Variants in SYNDIG1 observed in about 807,000 individuals in gnomAD.
SYNDIG1 encodes synapse differentiation-inducing gene protein 1.
A neutral mutation model predicts 19.4 loss-of-function variants in SYNDIG1; 9 were observed. The ratio of observed to expected loss-of-function variants is 0.46; its 90% CI spans 0.28 to 0.81. SYNDIG1 has a LOEUF of 0.81. SYNDIG1 is among the 30% of genes least tolerant of loss of function. The pLI is 0.12. For synonymous variants in SYNDIG1, 141 were observed against 145.9 expected (o/e 0.97, Z 0.24); for missense variants, 311 against 343.3 (o/e 0.91, Z 0.74).
intron 3 of SYNDIG1, among the ~76,000 whole-genome samples, chr20:24,644,622 C>G (rs1461000266): frequency 6.6e-6 from 1 of 152,210 alleles, no homozygotes; most frequent in Non-Finnish European, 1.5e-5. Context: ...TGTGGGGAAG[C>G]CCAAGTCACA....
At chr20:24,486,261 G>C (rs969524776) in intron 1 of SYNDIG1, among the ~76,000 whole-genome samples, 11 of 152,230 alleles carry the variant, frequency 7.2e-5, no homozygotes, top group African/African-American at 2.7e-4. Context: ...GGCAGGGTGG[G>C]TGCTGGAGAG....
intron 3 of SYNDIG1, among the ~76,000 whole-genome samples, chr20:24,646,969 A>T (rs1438050329): frequency 6.6e-6 from 1 of 152,088 alleles, no homozygotes; most frequent in Non-Finnish European, 1.5e-5. Context: ...AGCCAAATAA[A>T]CCTGTTTTCT....
chr20:24,623,094 G>T (rs1309905397), intron 3 of SYNDIG1, among the ~76,000 whole-genome samples: 26 of 151,880 alleles, frequency 1.7e-4, no homozygotes, highest in Admixed American at 1.7e-3. Flanking sequence ...CAGGAGAATT[G>T]CTTGAACATA....
intron 1 of SYNDIG1, among the ~76,000 whole-genome samples, chr20:24,505,024 G>A (rs921936859): frequency 6.6e-6 from 1 of 152,286 alleles, no homozygotes; most frequent in East Asian, 1.9e-4. Flanking sequence ...CATGGAGGAG[G>A]TGGTGAACAG....
chr20:24,662,738 AT>A (rs2059615216), intron 3 of SYNDIG1, among the ~76,000 whole-genome samples: 1 of 152,188 alleles, frequency 6.6e-6, no homozygotes, highest in Non-Finnish European at 1.5e-5. Flanking sequence ...GCCTGCACTT[AT>A]TTTCCAATGA....
At chr20:24,649,072 A>C (rs1178379192) in intron 3 of SYNDIG1, among the ~76,000 whole-genome samples, 1 of 152,192 alleles carries the variant, frequency 6.6e-6, no homozygotes, top group Non-Finnish European at 1.5e-5. Flanking sequence ...AGTGTCATGA[A>C]TGCAAAGTTC....
At chr20:24,522,886 C>A (rs1025281881) in intron 1 of SYNDIG1, among the ~76,000 whole-genome samples, 25 of 152,262 alleles carry the variant, frequency 1.6e-4, no homozygotes, top group Middle Eastern at 3.4e-3. Context: ...TTTAAACAAG[C>A]AGCTCGCATG....
chr20:24,622,006 A>G (rs1265872036), intron 3 of SYNDIG1, among the ~76,000 whole-genome samples: 1 of 152,224 alleles, frequency 6.6e-6, no homozygotes, highest in Non-Finnish European at 1.5e-5. Flanking sequence ...ATAATATTAC[A>G]AGGCAGGCCA....
At chr20:24,508,218 ATTTTTTTTTTTT>A (rs34436263) in intron 1 of SYNDIG1, among the ~76,000 whole-genome samples, 4 of 73,210 alleles carry the variant, frequency 5.5e-5, no homozygotes, top group African/African-American at 6.1e-5. Flanking sequence ...AAGGAGGATA[ATTTTTTTTTTTT>A]TTTTTTTTTT....
chr20:24,608,281 C>T (rs1249800605), intron 3 of SYNDIG1, among the ~76,000 whole-genome samples: 4 of 151,738 alleles, frequency 2.6e-5, no homozygotes, highest in Non-Finnish European at 4.4e-5. Flanking sequence ...CGGGTTCTAG[C>T]GATTCTCCTG....
intron 3 of SYNDIG1, among the ~76,000 whole-genome samples, chr20:24,626,221 CCCCACCTCCCTCCCGGACA>C (rs1403910080): frequency 4.4e-5 from 5 of 113,140 alleles, no homozygotes; most frequent in Admixed American, 1.6e-4. Flanking sequence ...GGGGGCTGAC[CCCCACCTCCCTCCCGGACA>C]GGGTGGCTGC....
intron 3 of SYNDIG1, among the ~76,000 whole-genome samples, chr20:24,646,242 A>G (rs539402962): frequency 4.6e-5 from 7 of 152,330 alleles, no homozygotes; most frequent in Admixed American, 4.6e-4. Context: ...TACAGTAAGC[A>G]ACACTGCCTA....
chr20:24,521,727 G>A (rs1484690498), intron 1 of SYNDIG1, among the ~76,000 whole-genome samples: 9 of 151,766 alleles, frequency 5.9e-5, no homozygotes, highest in Non-Finnish European at 1.2e-4. Context: ...ACAAAACCCC[G>A]TCTCTACTAA....
At chr20:24,473,913 T>C (rs568075033) in intron 1 of SYNDIG1, among the ~76,000 whole-genome samples, 4 of 152,172 alleles carry the variant, frequency 2.6e-5, no homozygotes, top group South Asian at 4.2e-4. Context: ...AGTGACGTGG[T>C]TTGTCTAAGA....
intron 1 of SYNDIG1, among the ~76,000 whole-genome samples, chr20:24,526,084 T>C (rs1008712997): frequency 1.3e-5 from 2 of 152,186 alleles, no homozygotes; most frequent in African/African-American, 4.8e-5. Context: ...TTTCCATCCT[T>C]TTACTTTTAG....
At chr20:24,510,957 T>A (rs1380429343) in intron 1 of SYNDIG1, among the ~76,000 whole-genome samples, 1 of 152,242 alleles carries the variant, frequency 6.6e-6, no homozygotes, top group African/African-American at 2.4e-5. Flanking sequence ...TATTTCAAGT[T>A]TGCTTATTAA....
intron 1 of SYNDIG1, among the ~76,000 whole-genome samples, chr20:24,496,260 G>T (rs867214870): frequency 6.6e-6 from 1 of 152,136 alleles, no homozygotes; most frequent in African/African-American, 2.4e-5. Context: ...TGTCCGTTCC[G>T]CCAGCTGTGG....
At chr20:24,623,349 C>T (rs1464006639) in intron 3 of SYNDIG1, among the ~76,000 whole-genome samples, 4 of 152,062 alleles carry the variant, frequency 2.6e-5, no homozygotes, top group Non-Finnish European at 5.9e-5. Context: ...CTCAGATAAA[C>T]AGCTGATGGA....
At chr20:24,527,859 G>T (rs1215787450) in intron 1 of SYNDIG1, among the ~76,000 whole-genome samples, 1 of 152,090 alleles carries the variant, frequency 6.6e-6, no homozygotes, top group Admixed American at 6.5e-5. Flanking sequence ...TGGCAACCTG[G>T]GGCTTAACAT....
Sources: gnomAD v4.1 joint callset for allele counts (sites outside exome capture counted in the v4.1 genomes callset) on GRCh38, gnomAD v4.1.1 for gene constraint, MANE v1.5 for transcripts, NCBI Gene and HGNC (gene_info 2026-07-23, HGNC 2026-07-21) for gene names.